Variants in PFKM observed in about 807,000 individuals in gnomAD.
The protein encoded by PFKM is ATP-dependent 6-phosphofructokinase, muscle type.
Under a neutral mutation model 95.5 loss-of-function variants are expected in PFKM, and 58 were observed. That is an observed-to-expected ratio of 0.61 (90% CI 0.49 to 0.76). PFKM has a LOEUF of 0.76. Ranked by LOEUF, PFKM falls within the 30% of genes least tolerant of loss-of-function variation. The pLI is 0.00. For missense variants in PFKM, 678 were observed against 1,005.4 expected, an observed-to-expected ratio of 0.67 and a Z score of 4.40; for synonymous variants, 336 against 357.2, an observed-to-expected ratio of 0.94 and a Z score of 0.67.
In PFKM at chr12:48,145,414, A is replaced by AT; in HGVS notation, c.2198+99_2198+100insT. The AT allele has an allele frequency of 7.9e-7, 1 of 1,264,666 alleles. No homozygotes were observed. Among genetic ancestry groups the AT allele is most frequent in the Non-Finnish European group, 1.1e-6 (1 of 876,890 alleles). The allele number at this position is 1,264,666 out of a possible 1,614,324, so 78.3% of individuals were successfully genotyped here. A position where few individuals can be genotyped will look rare whatever the true frequency, so the allele number is the denominator to read the frequency against. On this transcript the variant is annotated intron_variant, in intron 22 of 22. Transcript: ENST00000359794. The surrounding 1 kb of genome is among the most constrained non-coding windows in gnomAD (Gnocchi z 4.3). Reference sequence around the variant, plus strand: ...TGTCTTTAATTCTTTTTTTTTTTTAAGGAGTAACACCTGTATTCTTACCCA... The same window carrying AT: ...TGTCTTTAATTCTTTTTTTTTTTTAATGGAGTAACACCTGTATTCTTACCCA...
At chr12:48,130,820 G>A (rs1031352465) in intron 3 of PFKM, among the ~76,000 whole-genome samples, 1 of 152,172 alleles carries the variant, frequency 6.6e-6, no homozygotes, top group Non-Finnish European at 1.5e-5. Flanking sequence ...ACTTTCTGAG[G>A]TTCTCAAATC....
chr12:48,137,916 A>G (rs1950246394), intron 11 of PFKM, 70 bp downstream of exon 11: 1 of 1,559,730 alleles, frequency 6.4e-7, no homozygotes, highest in Non-Finnish European at 8.8e-7. Context: ...GGGGCATGAG[A>G]CTATGTCTAA....
At chr12:48,129,667 G>C (rs1244306644) in intron 2 of PFKM, among the ~76,000 whole-genome samples, 1 of 152,138 alleles carries the variant, frequency 6.6e-6, no homozygotes, top group Non-Finnish European at 1.5e-5. Flanking sequence ...TAGACTGAGA[G>C]AATCAGCTGT....
chr12:48,142,101 C>G (rs2136011027), intron 17 of PFKM, 35 bp downstream of exon 17: 1 of 1,603,054 alleles, frequency 6.2e-7, no homozygotes, highest in East Asian at 2.2e-5. Flanking sequence ...TCCCTTTTGG[C>G]CAGGATTATA....
Position 48,137,854 on chromosome 12 carries a change from C to G in PFKM, c.1062+8C>G. 1 of 1,614,128 alleles carries G rather than the reference C, an allele frequency of 6.2e-7. No homozygotes were observed. The highest frequency in any genetic ancestry group is 8.5e-7 in the Non-Finnish European group (1 of 1,179,958). On this transcript the variant is annotated splice_region_variant and intron_variant, in intron 11 of 22. Coordinates refer to ENST00000359794, the MANE Select transcript of PFKM (RefSeq NM_000289.6). ...ATGGAATGTGTCCAGGTGGTAAGTA[C>G]TGATCCTAAACCCCTTTCTTAACAC...
At chr12:48,131,511 T>C in intron 4 of PFKM, 118 bp downstream of exon 4, 1 of 790,968 alleles carries the variant, frequency 1.3e-6, no homozygotes. Context: ...AGGAATTCAG[T>C]GACAAGAGAG....
intron 2 of PFKM, among the ~76,000 whole-genome samples, chr12:48,107,628 A>C (rs10492080): frequency 6.6e-6 from 1 of 151,994 alleles, no homozygotes; most frequent in Non-Finnish European, 1.5e-5. Flanking sequence ...TGTATTTTCC[A>C]GGTAAGATTT....
At chr12:48,139,379 A>G (rs1459546400) in intron 12 of PFKM, 30 bp downstream of exon 12, 1 of 1,583,926 alleles carries the variant, frequency 6.3e-7, no homozygotes, top group Non-Finnish European at 8.7e-7. Flanking sequence ...CTCACTAGCT[A>G]CAGAAATCAG....
At chr12:48,133,126 G>A (rs1949691280) in intron 5 of PFKM, 69 bp downstream of exon 5, 14 of 1,458,492 alleles carry the variant, frequency 9.6e-6, no homozygotes, top group Non-Finnish European at 1.3e-5. Context: ...CACACACATC[G>A]CCCCCGCCCT....
Position 48,139,887 on chromosome 12 carries a change from C to A in PFKM, c.1166C>A (p.Ala389Asp). 6.2e-7 allele frequency: 1 copy of A among 1,612,748 alleles called. No individual in the cohort carries two copies. Residue 389 changes from alanine (A) to aspartate (D), a missense_variant, in exon 13 of 23, where the codon GCT becomes GAT. Ala to Asp is a moderately radical substitution (Grantham distance 126, BLOSUM62 -2). Coordinates refer to ENST00000359794, the MANE Select transcript of PFKM (RefSeq NM_000289.6). ...AACTGGGAGGTGTACAAGCTTCTAG[C>A]TCATGTCAGACCCCCGGTATCTAAG... ...MNNWEVYKLLAHVRPPVSKSG... is the reference protein window; with the variant it reads ...MNNWEVYKLLDHVRPPVSKSG...
chr12:48,105,426 A>C (rs1565824094), upstream of PFKM: 1 of 519,058 alleles, frequency 1.9e-6, no homozygotes, highest in East Asian at 5.4e-5. Flanking sequence ...CCAGGTAAGC[A>C]AATTGTGGCA....
At chr12:48,107,231 A>G in intron 1 of PFKM, 1 of 645,794 alleles carries the variant, frequency 1.5e-6, no homozygotes, top group South Asian at 1.8e-5. Context: ...GTATTGCCTC[A>G]TGTGCTGATA....
chr12:48,134,143 C>T (rs1251251000), intron 6 of PFKM, 89 bp from the exon 7 acceptor site: 2 of 1,061,600 alleles, frequency 1.9e-6, no homozygotes, highest in Non-Finnish European at 3.0e-6. Context: ...CATGTATCTC[C>T]CAGAGAGGGT....
chr12:48,134,134 A>G (rs1565888723), intron 6 of PFKM, 98 bp from the exon 7 acceptor site: 6 of 966,524 alleles, frequency 6.2e-6, no homozygotes, highest in Admixed American at 5.1e-5. Flanking sequence ...GGCAGCATAC[A>G]TGTATCTCCC....
chr12:48,143,472 G>A (rs906193735), intron 18 of PFKM, among the ~76,000 whole-genome samples: 7 of 152,214 alleles, frequency 4.6e-5, no homozygotes, highest in Non-Finnish European at 8.8e-5. Flanking sequence ...AACCAGAAAG[G>A]CTTGGAAAGG....
intron 2 of PFKM, among the ~76,000 whole-genome samples, chr12:48,129,428 C>G (rs943093794): frequency 6.6e-6 from 1 of 151,346 alleles, no homozygotes; most frequent in African/African-American, 2.4e-5. Flanking sequence ...TTTGAGTTCC[C>G]CATAAACATC....
intron 1 of PFKM, among the ~76,000 whole-genome samples, chr12:48,120,830 T>C (rs551898592): frequency 2.5e-4 from 38 of 152,294 alleles, no homozygotes; most frequent in African/African-American, 8.9e-4. Flanking sequence ...CCAACCCTCT[T>C]ATCAGTGCGT....
chr12:48,132,394 A>G (rs1001974648), intron 4 of PFKM, among the ~76,000 whole-genome samples: 2 of 152,220 alleles, frequency 1.3e-5, no homozygotes, highest in Non-Finnish European at 2.9e-5. Context: ...GATTGGCAGT[A>G]CCTGGGTACA....
In PFKM at chr12:48,132,894, G is replaced by A. The variant is rs369867876; in HGVS notation, c.264G>A (p.Arg88=). Reference sequence around the variant, plus strand: ...GAGGCACGGTGATTGGAAGTGCCCGGTGCAAGGACTTTCGGGAACGAGAAG... The same window carrying A: ...GAGGCACGGTGATTGGAAGTGCCCGATGCAAGGACTTTCGGGAACGAGAAG... ...QLGGTVIGSA[R]CKDFREREGR... Residue 88 remains arginine (R), a synonymous_variant, in exon 5 of 23, where the codon CGG becomes CGA. Coordinates refer to ENST00000359794, the MANE Select transcript of PFKM (RefSeq NM_000289.6). 1 of 1,613,776 alleles carries A rather than the reference G, an allele frequency of 6.2e-7. No individual in the cohort carries two copies. Among genetic ancestry groups the A allele is most frequent in the Non-Finnish European group, 8.5e-7 (1 of 1,179,832 alleles).
Sources: gnomAD v4.1 joint callset for allele counts (sites outside exome capture counted in the v4.1 genomes callset) on GRCh38, gnomAD v4.1.1 for gene constraint, Gnocchi (gnomAD v3.1) non-coding constraint, MANE v1.5 for transcripts, NCBI Gene and HGNC (gene_info 2026-07-23, HGNC 2026-07-21) for gene names.